SUPT3H: variants seen among roughly 807,000 people sequenced by gnomAD.
SUPT3H encodes the protein transcription initiation protein SPT3 homolog.
In SUPT3H, 44 loss-of-function variants were observed where a neutral mutation model predicts 44.3. The ratio of observed to expected loss-of-function variants is 0.99; its 90% CI spans 0.78 to 1.28. The LOEUF (loss-of-function observed/expected upper bound fraction) is 1.28, where lower values mean the gene tolerates loss of function less well. Ranked by LOEUF, SUPT3H falls within the 50% of genes most tolerant of loss-of-function variation. The pLI is 0.00. For synonymous variants in SUPT3H, 124 were observed against 125.6 expected, an observed-to-expected ratio of 0.99 and a Z score of 0.09; for missense variants, 380 against 387.1, an observed-to-expected ratio of 0.98 and a Z score of 0.15.
intron 2 of SUPT3H, among the ~76,000 whole-genome samples, chr6:45,182,605 T>C (rs1051407325): frequency 6.6e-6 from 1 of 152,208 alleles, no homozygotes; most frequent in African/African-American, 2.4e-5. Context: ...AGTTTTAGGT[T>C]CACTGCAAAA....
intron 2 of SUPT3H, among the ~76,000 whole-genome samples, chr6:45,203,233 G>A (rs925410307): frequency 3.9e-5 from 6 of 152,042 alleles, no homozygotes; most frequent in East Asian, 3.8e-4. Context: ...CAAAACAACC[G>A]AAATAAAGGA....
chr6:44,968,615 T>G (rs191914584), intron 6 of SUPT3H, among the ~76,000 whole-genome samples: 14 of 152,112 alleles, frequency 9.2e-5, no homozygotes, highest in Non-Finnish European at 1.6e-4. Context: ...GCAAAAGTCA[T>G]CATTTTGGTC....
At chr6:45,132,020 A>G (rs925795361) in intron 2 of SUPT3H, among the ~76,000 whole-genome samples, 1 of 152,186 alleles carries the variant, frequency 6.6e-6, no homozygotes, top group Non-Finnish European at 1.5e-5. Flanking sequence ...GATATTAACA[A>G]CTAATAATAT....
chr6:44,965,322 T>C (rs948900752), intron 6 of SUPT3H, among the ~76,000 whole-genome samples: 1 of 152,232 alleles, frequency 6.6e-6, no homozygotes, highest in African/African-American at 2.4e-5. Context: ...AGCTGCCTTG[T>C]CCATTTACCT....
At chr6:44,927,591 G>A (rs1464093209) in intron 10 of SUPT3H, among the ~76,000 whole-genome samples, 1 of 152,104 alleles carries the variant, frequency 6.6e-6, no homozygotes, top group Non-Finnish European at 1.5e-5. Flanking sequence ...GAGCTAGTAT[G>A]CAAAACCTAG....
chr6:45,303,671 T>TAAAAAAAAAAAAAAAAAA (rs36119324), intron 2 of SUPT3H, among the ~76,000 whole-genome samples: 3 of 113,022 alleles, frequency 2.7e-5, no homozygotes, highest in East Asian at 2.4e-4. Context: ...ATTCTAGAAG[T>TAAAAAAAAAAAAAAAAAA]AAAAAAAAAA....
chr6:45,201,008 A>AAC (rs1156581688), intron 2 of SUPT3H, among the ~76,000 whole-genome samples: 12 of 151,668 alleles, frequency 7.9e-5, no homozygotes, highest in African/African-American at 2.9e-4. Flanking sequence ...TCCTTATGGG[A>AAC]ACAATACGAA....
At chr6:45,107,257 T>C (rs140175819) in intron 2 of SUPT3H, among the ~76,000 whole-genome samples, 2,958 of 152,156 alleles carry the variant, frequency 0.019, 54 homozygotes, top group South Asian at 0.085. Context: ...TATAATAGAG[T>C]ACTGAACCTT....
intron 2 of SUPT3H, among the ~76,000 whole-genome samples, chr6:45,110,331 A>G (rs1163749072): frequency 6.6e-6 from 1 of 152,204 alleles, no homozygotes; most frequent in African/African-American, 2.4e-5. Context: ...CTGTATACTT[A>G]TACTGGGATC....
In SUPT3H at chr6:45,043,172, C is replaced by T. The variant is rs144665196; in HGVS notation, c.187-22540G>A. Among the ~76,000 whole-genome samples, 1,109 of 144,966 alleles carry T rather than the reference C, an allele frequency of 7.7e-3. 21 individuals are homozygous for T. Among genetic ancestry groups the T allele is most frequent in the African/African-American group, 0.026 (1,047 of 40,746 alleles). On this transcript the variant is annotated intron_variant, in intron 3 of 10. Transcript: ENST00000371459. Reference sequence around the variant, plus strand: ...ACACACACACACACACACACACACGCACACACACAAACACCAAAACCAAGG... The same window carrying T: ...ACACACACACACACACACACACACGTACACACACAAACACCAAAACCAAGG...
intron 2 of SUPT3H, among the ~76,000 whole-genome samples, chr6:45,356,272 G>A (rs185647896): frequency 1.3e-5 from 2 of 151,634 alleles, no homozygotes. Context: ...GCAAAAGATG[G>A]CATACTCATT....
intron 2 of SUPT3H, among the ~76,000 whole-genome samples, chr6:45,237,436 T>G (rs1360937458): frequency 2.0e-5 from 3 of 152,158 alleles, no homozygotes. Flanking sequence ...GGGAAGAGAT[T>G]TATTACAACA....
chr6:45,040,594 AAAAC>A (rs1265664911), intron 3 of SUPT3H, among the ~76,000 whole-genome samples: 5 of 152,220 alleles, frequency 3.3e-5, no homozygotes, highest in Admixed American at 1.3e-4. Flanking sequence ...TTCAAAAACA[AAAAC>A]AAACAAAAAA....
chr6:45,376,898 T>G (rs1424141263), intron 1 of SUPT3H, among the ~76,000 whole-genome samples: 2 of 152,196 alleles, frequency 1.3e-5, no homozygotes, highest in African/African-American at 4.8e-5. Flanking sequence ...CACATATGTA[T>G]ATACATATAT....
At chr6:45,115,365 G>A (rs74863179) in intron 2 of SUPT3H, among the ~76,000 whole-genome samples, 3,394 of 152,202 alleles carry the variant, frequency 0.022, 128 homozygotes, top group African/African-American at 0.077. Context: ...ACATTTTTCA[G>A]ATTGACAGTG....
At chr6:44,826,505 A>G (rs948524562), downstream of SUPT3H, among the ~76,000 whole-genome samples, 2 of 152,212 alleles carry the variant, frequency 1.3e-5, no homozygotes, top group African/African-American at 4.8e-5. Context: ...AAACTGTAAA[A>G]TATTTTATGA....
chr6:45,357,273 C>G (rs1793399279), intron 2 of SUPT3H, among the ~76,000 whole-genome samples: 1 of 152,138 alleles, frequency 6.6e-6, no homozygotes, highest in Non-Finnish European at 1.5e-5. Flanking sequence ...TCCCAAAGTG[C>G]TGGGATTATA....
chr6:45,226,705 TA>T (rs1486143779), intron 2 of SUPT3H, among the ~76,000 whole-genome samples: 1 of 152,166 alleles, frequency 6.6e-6, no homozygotes, highest in Non-Finnish European at 1.5e-5. Context: ...CTAATTTTTA[TA>T]TTTTAGTAGA....
At chr6:44,950,798 CTT>C (rs11413627) in intron 9 of SUPT3H, among the ~76,000 whole-genome samples, 57 of 135,468 alleles carry the variant, frequency 4.2e-4, no homozygotes, top group African/African-American at 1.5e-3. Flanking sequence ...CCATTTGGAT[CTT>C]TTTTTTTTTT....
Sources: allele counts gnomAD v4.1 joint callset (sites outside exome capture counted in the v4.1 genomes callset), GRCh38; gene constraint gnomAD v4.1.1; transcripts MANE v1.5; gene names NCBI Gene and HGNC (gene_info 2026-07-23, HGNC 2026-07-21).